The following RSPH3 variants were observed in gnomAD, a reference collection of about 807,000 sequenced individuals.
RSPH3 encodes radial spoke head 3.
A neutral mutation model predicts 43.8 loss-of-function variants in RSPH3; 21 were observed. The observed-to-expected ratio is 0.48, with a 90% CI of 0.34 to 0.69. RSPH3 has a LOEUF of 0.69. Among genes scored for constraint, RSPH3 ranks in the 30% least tolerant of loss-of-function variants. RSPH3 has a pLI of 0.01. For synonymous variants in RSPH3, 173 were observed against 179.8 expected, an observed-to-expected ratio of 0.96 and a Z score of 0.30; for missense variants, 487 against 516.0, an observed-to-expected ratio of 0.94 and a Z score of 0.54.
At chr6:158,992,912 CT>C (rs1488188425) in intron 2 of RSPH3, among the ~76,000 whole-genome samples, 1 of 152,082 alleles carries the variant, frequency 6.6e-6, no homozygotes, top group Non-Finnish European at 1.5e-5. Flanking sequence ...AGAATTCAGA[CT>C]TTTTGATTAA....
At chr6:158,997,744 T>C (rs1778643450) in intron 1 of RSPH3, among the ~76,000 whole-genome samples, 1 of 152,220 alleles carries the variant, frequency 6.6e-6, no homozygotes, top group Admixed American at 6.5e-5. Context: ...TAATGATTTG[T>C]AAGCAACCAC....
intron 4 of RSPH3, among the ~76,000 whole-genome samples, 175 bp from the exon 5 acceptor site, chr6:158,982,863 T>C (rs1296998121): frequency 6.6e-6 from 1 of 152,244 alleles, no homozygotes; most frequent in Non-Finnish European, 1.5e-5. Flanking sequence ...ACATTTTGTT[T>C]ACAGGCAAAA....
At chr6:158,982,967 C>T (rs1778086077) in intron 4 of RSPH3, among the ~76,000 whole-genome samples, 1 of 151,932 alleles carries the variant, frequency 6.6e-6, no homozygotes. Flanking sequence ...TTATTCTTTG[C>T]CTTTTCTGTT....
chr6:159,000,194 G>T lies in RSPH3; in HGVS notation c.-644C>A. Reference sequence around the variant, plus strand: ...GCTCCCAGCTCTGTTACGTGCCCGGGCGGGGAAGAGCTTCCTGGTGTCTCC... The same window carrying T: ...GCTCCCAGCTCTGTTACGTGCCCGGTCGGGGAAGAGCTTCCTGGTGTCTCC... On this transcript the variant is annotated 5_prime_UTR_variant, in exon 1 of 8. Coordinates refer to ENST00000367069, the MANE Select transcript of RSPH3 (RefSeq NM_031924.8). 2 of 529,254 alleles carry T rather than the reference G, an allele frequency of 3.8e-6. No individual in the cohort carries two copies. The highest frequency in any genetic ancestry group is 2.8e-5 in the South Asian group (1 of 36,296). 32.8% of individuals were successfully genotyped at this position (529,254 alleles called of 1,614,324 possible).
chr6:158,998,297 CAAA>C (rs71297000), intron 1 of RSPH3, among the ~76,000 whole-genome samples: 3,500 of 53,918 alleles, frequency 0.065, 75 homozygotes, highest in African/African-American at 0.13. Flanking sequence ...TAAAAAAATA[CAAA>C]AAAAAAAAAA....
At position 158,989,977 on chromosome 6, in the gene RSPH3, A is replaced by G. The variant is rs969757821; in HGVS notation, c.205-3556T>C. Reference sequence around the variant, plus strand: ...TCAACTGCCAGAGTGGCTAGAATATAAGCAGGCAGAAAAATGTGGAAAGAG... The same window carrying G: ...TCAACTGCCAGAGTGGCTAGAATATGAGCAGGCAGAAAAATGTGGAAAGAG... On this transcript the variant is annotated intron_variant, in intron 2 of 7. Coordinates refer to ENST00000367069, the MANE Select transcript of RSPH3 (RefSeq NM_031924.8). This position sits in a 1 kb window ranked among gnomAD's most constrained non-coding sequence, Gnocchi z 4.3. Among the ~76,000 whole-genome samples the G allele has an allele frequency of 3.9e-5, 6 of 152,200 alleles. No homozygotes were observed. The East Asian group carries it at 9.7e-4, about 24-fold the overall frequency.
At position 158,999,559 on chromosome 6, in the gene RSPH3, G is replaced by A. The variant is rs1258329279; in HGVS notation, c.-9C>T. ...GTCAGCGCTGAGGCCATGTCCGGGGGCTGACTGCCTCGCTTTCGGTGGAGC... is the reference window on the plus strand; with the variant it reads ...GTCAGCGCTGAGGCCATGTCCGGGGACTGACTGCCTCGCTTTCGGTGGAGC... On this transcript the variant is annotated 5_prime_UTR_variant, in exon 1 of 8. Coordinates refer to ENST00000367069, the MANE Select transcript of RSPH3 (RefSeq NM_031924.8). 18 of 1,606,450 alleles carry A rather than the reference G, an allele frequency of 1.1e-5. No homozygotes were observed. The highest frequency in any genetic ancestry group is 1.7e-4 in the Middle Eastern group (1 of 6,036).
chr6:158,965,576 C>T, the RSPH3 span, among the ~76,000 whole-genome samples: 1 of 151,814 alleles, frequency 6.6e-6, no homozygotes, highest in Non-Finnish European at 1.5e-5. Context: ...TCTTAATTTC[C>T]TTTCAGATTG....
rs1366683911 is a variant in RSPH3, at chr6:158,974,254, T to C, written c.*3284A>G. On this transcript the variant is annotated 3_prime_UTR_variant, in exon 8 of 8. Coordinates refer to ENST00000367069, the MANE Select transcript of RSPH3 (RefSeq NM_031924.8). ...GTGTGAAAAAGTCAAGTACTGTTTATACTCCAAAAAGTATTTGGAGCTTAT... is the reference window on the plus strand; with the variant it reads ...GTGTGAAAAAGTCAAGTACTGTTTACACTCCAAAAAGTATTTGGAGCTTAT... 1.3e-5 allele frequency: 2 copies of C among 152,382 alleles called. No individual in the cohort carries two copies. Among genetic ancestry groups the C allele is most frequent in the South Asian group, 2.1e-4 (1 of 4,824 alleles). The allele number at this position is 152,382 out of a possible 1,614,324, so 9.4% of individuals were successfully genotyped here.
intron 3 of RSPH3, among the ~76,000 whole-genome samples, chr6:158,984,472 A>ATATATATG (rs1778157160): frequency 8.2e-6 from 1 of 121,628 alleles, no homozygotes; most frequent in Non-Finnish European, 1.7e-5. Flanking sequence ...ATATATATAT[A>ATATATATG]TATTTGAGTC....
In RSPH3 at chr6:158,999,732, A is replaced by C. The variant is rs1217221445; in HGVS notation, c.-182T>G. 6.2e-6 allele frequency: 10 copies of C among 1,612,354 alleles called. No homozygotes were observed. Among genetic ancestry groups the C allele is most frequent in the African/African-American group, 2.7e-5 (2 of 74,860 alleles). On this transcript the variant is annotated 5_prime_UTR_variant, in exon 1 of 8. It removes the in-frame stop codon of an upstream open reading frame in the 5' UTR. Coordinates refer to ENST00000367069, the MANE Select transcript of RSPH3 (RefSeq NM_031924.8). ...GTTACCAGCGCAGGAGGTGGGAGCT[A>C]TACTGGGCTCGCTCCCAGCACCACA...
chr6:158,976,970 AT>A lies in RSPH3; in HGVS notation c.*567del, dbSNP rs1209136081. 1 of 152,574 alleles carries A rather than the reference AT, an allele frequency of 6.6e-6. No individual in the cohort carries two copies. Among genetic ancestry groups the A allele is most frequent in the East Asian group, 1.9e-4 (1 of 5,190 alleles). The allele number at this position is 152,574 out of a possible 1,614,324, so 9.5% of individuals were successfully genotyped here. On this transcript the variant is annotated 3_prime_UTR_variant, in exon 8 of 8. Coordinates refer to ENST00000367069, the MANE Select transcript of RSPH3 (RefSeq NM_031924.8). ...GCTAGGATTACAGGCATGCGCCACC[AT>A]GCCTGGCTAATTTTGTATTTTTAGC...
chr6:158,982,637 T>C lies in RSPH3; in HGVS notation c.544A>G (p.Lys182Glu). 1.2e-6 allele frequency: 2 copies of C among 1,613,786 alleles called. No homozygotes were observed. The highest frequency in any genetic ancestry group is 2.2e-5 in the East Asian group (1 of 44,852). The change falls in exon 5 of 8, where the codon AAG (lysine) becomes GAG (glutamate). Residue 182 changes from lysine to glutamate, a missense_variant. Coordinates refer to ENST00000367069, the MANE Select transcript of RSPH3 (RefSeq NM_031924.8). ...VKPVLEVLVG[K>E]TIEQSLLEVM... ...TCCAGAAGAGACTGCTCAATTGTCT[T>C]CCCCACCAAAACTTCTAACACTGGT... is the stretch of plus-strand genomic sequence containing the variant.
In RSPH3 at chr6:158,977,204, A is replaced by T. The variant is rs184546147; in HGVS notation, c.*334T>A. 3 of 244,546 alleles carry T rather than the reference A, an allele frequency of 1.2e-5. No homozygotes were observed. The highest frequency in any genetic ancestry group is 4.5e-5 in the African/African-American group (2 of 44,126). The allele number at this position is 244,546 out of a possible 1,614,324, so 15.1% of individuals were successfully genotyped here. A position where few individuals can be genotyped will look rare whatever the true frequency, so the allele number is the denominator to read the frequency against. On this transcript the variant is annotated 3_prime_UTR_variant, in exon 8 of 8. Transcript: ENST00000367069. ...GCACTGATATTGAACATTAAATATCATACTTACTAAAAAAAACTAACCCGC... is the reference window on the plus strand; with the variant it reads ...GCACTGATATTGAACATTAAATATCTTACTTACTAAAAAAAACTAACCCGC...
At chr6:158,997,061 C>T (rs1778617507) in intron 1 of RSPH3, among the ~76,000 whole-genome samples, 1 of 152,048 alleles carries the variant, frequency 6.6e-6, no homozygotes, top group Admixed American at 6.6e-5. Flanking sequence ...GGCCACTTCC[C>T]ACGGATCTGC....
Position 158,999,426 on chromosome 6 carries a change from G to A in RSPH3, c.116+9C>T, listed in dbSNP as rs1358757350. The stretch of plus-strand genomic sequence containing the variant: ...TATGGACCACACAGGGGCTGGCTTG[G>A]TCACTCACGGCTGCGTCAGGCTGTC... On this transcript the variant is annotated intron_variant, in intron 1 of 7. Transcript: ENST00000367069. The A allele has an allele frequency of 1.3e-6, 2 of 1,499,280 alleles. No homozygotes were observed. Among genetic ancestry groups the A allele is most frequent in the Non-Finnish European group, 1.8e-6 (2 of 1,128,956 alleles). The allele number at this position is 1,499,280 out of a possible 1,614,324, so 92.9% of individuals were successfully genotyped here. A position where few individuals can be genotyped will look rare whatever the true frequency, so the allele number is the denominator to read the frequency against.
In RSPH3 at chr6:158,982,500, T is replaced by TTGGC; in HGVS notation, c.680_681insGCCA (p.His228ProfsTer10). The TTGGC allele has an allele frequency of 6.7e-7, 1 of 1,493,088 alleles. No homozygotes were observed. Among genetic ancestry groups the TTGGC allele is most frequent in the Non-Finnish European group, 8.9e-7 (1 of 1,119,026 alleles). The allele number at this position is 1,493,088 out of a possible 1,614,324, so 92.5% of individuals were successfully genotyped here. On this transcript the variant is annotated frameshift_variant, in exon 5 of 8. Transcript: ENST00000367069. LOFTEE classifies it high-confidence loss of function. ...TTATATATACTTTTTCTTCTCGGTG[T>TTGGC]CGCCTCTCTTGCTCTTCAAGTCGTT... is the stretch of plus-strand genomic sequence containing the variant.
In RSPH3 at chr6:158,999,850, C is replaced by G. The variant is rs907382630; in HGVS notation, c.-300G>C. The G allele has an allele frequency of 1.2e-6, 2 of 1,613,896 alleles. No homozygotes were observed. Among genetic ancestry groups the G allele is most frequent in the South Asian group, 2.2e-5 (2 of 91,082 alleles). ...GGGCAGTTCCGGTCCCCAGGTTTCCCGGGAAGGACTGCGGCACAAGGGACT... is the reference window on the plus strand; with the variant it reads ...GGGCAGTTCCGGTCCCCAGGTTTCCGGGGAAGGACTGCGGCACAAGGGACT... On this transcript the variant is annotated 5_prime_UTR_variant, in exon 1 of 8. Coordinates refer to ENST00000367069, the MANE Select transcript of RSPH3 (RefSeq NM_031924.8).
At chr6:158,993,736 G>T in intron 2 of RSPH3, 103 bp downstream of exon 2, 2 of 604,020 alleles carry the variant, frequency 3.3e-6, no homozygotes, top group South Asian at 2.7e-5. Flanking sequence ...TTTATTTTAT[G>T]AATGTTTTAG....
Sources: allele counts gnomAD v4.1 joint callset (sites outside exome capture counted in the v4.1 genomes callset), GRCh38; gene constraint gnomAD v4.1.1; non-coding constraint Gnocchi (gnomAD v3.1); transcripts MANE v1.5; gene names NCBI Gene and HGNC (gene_info 2026-07-23, HGNC 2026-07-21).